SSBP3: variants seen among roughly 807,000 people sequenced by gnomAD.
SSBP3 encodes the protein single-stranded DNA-binding protein 3.
Under a neutral mutation model 69.6 loss-of-function variants are expected in SSBP3, and 5 were observed. The observed-to-expected ratio is 0.07, with a 90% CI of 0.04 to 0.15. SSBP3 has a LOEUF of 0.15. Ranked by LOEUF, SSBP3 falls within the 10% of genes least tolerant of loss-of-function variation. The pLI is 1.00. For synonymous variants in SSBP3, 196 were observed against 193.4 expected (o/e 1.01, Z -0.11); for missense variants, 312 against 534.0 (o/e 0.58, Z 4.10).
intron 4 of SSBP3, among the ~76,000 whole-genome samples, chr1:54,340,013 C>CAGG (rs1387281855): frequency 2.6e-5 from 4 of 152,104 alleles, no homozygotes; most frequent in Non-Finnish European, 5.9e-5. Flanking sequence ...GGGGTAGGAG[C>CAGG]AGGACCCCAT....
rs146035715 is a variant in SSBP3, at chr1:54,296,221, T to C, written c.277-14694A>G. On this transcript the variant is annotated intron_variant, in intron 4 of 17. Transcript: ENST00000610401. ...CAGCCTTAACTCCCAAAGGTTTTCA[T>C]GTCTCTCTTCTCCTCAAACAACTGT... is the stretch of plus-strand genomic sequence containing the variant. 2.9e-4 allele frequency among the ~76,000 whole-genome samples: 44 copies of C among 152,362 alleles called. No individual in the cohort carries two copies. The East Asian group carries it at 6.9e-3, about 24-fold the overall frequency.
At chr1:54,240,375 T>G (rs954980696) in intron 13 of SSBP3, among the ~76,000 whole-genome samples, 3 of 149,276 alleles carry the variant, frequency 2.0e-5, no homozygotes, top group Non-Finnish European at 4.4e-5. Flanking sequence ...GGAGAATCGC[T>G]TGAGCCTGGG....
chr1:54,289,062 A>C lies in SSBP3; in HGVS notation c.277-7535T>G, dbSNP rs192206432. Among the ~76,000 whole-genome samples, 189 of 124,938 alleles carry C rather than the reference A, an allele frequency of 1.5e-3. 3 individuals are homozygous for C. The East Asian group carries it at 0.027, about 18-fold the overall frequency. 82.0% of individuals were successfully genotyped at this position (124,938 alleles called of 152,430 possible). On this transcript the variant is annotated intron_variant, in intron 4 of 17. Coordinates refer to ENST00000610401, the Ensembl canonical transcript of SSBP3. Reference sequence around the variant, plus strand: ...CAAAAAAACAAAAAAAAAAAACAGTAATGTCCCACTCACCCCTGTAGTTCC... The same window carrying C: ...CAAAAAAACAAAAAAAAAAAACAGTCATGTCCCACTCACCCCTGTAGTTCC...
chr1:54,239,234 T>TGAA, intron 13 of SSBP3, 35 bp from the exon 14 acceptor site: 1 of 1,542,510 alleles, frequency 6.5e-7, no homozygotes, highest in Non-Finnish European at 8.8e-7. Flanking sequence ...GTCGGGGTGA[T>TGAA]TAATTCGTTT....
intron 4 of SSBP3, among the ~76,000 whole-genome samples, chr1:54,374,730 C>T (rs564559397): frequency 1.3e-5 from 2 of 152,290 alleles, no homozygotes; most frequent in Admixed American, 1.3e-4. Context: ...CCACACACAA[C>T]CCTGACCCCA....
At chr1:54,334,735 C>T (rs1356602947) in intron 4 of SSBP3, among the ~76,000 whole-genome samples, 1 of 152,162 alleles carries the variant, frequency 6.6e-6, no homozygotes, top group South Asian at 2.1e-4. Context: ...TTTCTCCTTG[C>T]GGACATGATA....
chr1:54,391,824 G>A (rs1648518376), intron 4 of SSBP3, among the ~76,000 whole-genome samples: 1 of 152,076 alleles, frequency 6.6e-6, no homozygotes, highest in East Asian at 1.9e-4. Flanking sequence ...TCTCACTACT[G>A]CCACTGCCTA....
rs571419799 is a variant in SSBP3, at chr1:54,345,004, C to T, written c.276+56857G>A. ...TGAGGAGACGTATAATTCAGACTTC[C>T]TATTTATATTACACTTGTTTCCTCC... On this transcript the variant is annotated intron_variant, in intron 4 of 17. Coordinates refer to ENST00000610401, the Ensembl canonical transcript of SSBP3. 8.5e-5 allele frequency among the ~76,000 whole-genome samples: 13 copies of T among 152,284 alleles called. No individual in the cohort carries two copies. The South Asian group carries it at 1.4e-3, about 17-fold the overall frequency.
At chr1:54,397,546 A>T (rs1361928401) in intron 4 of SSBP3, among the ~76,000 whole-genome samples, 1 of 152,042 alleles carries the variant, frequency 6.6e-6, no homozygotes, top group Non-Finnish European at 1.5e-5. Flanking sequence ...GGGAGAGCAG[A>T]GTCTTGCTGG....
At chr1:54,359,761 A>G (rs1646923036) in intron 4 of SSBP3, among the ~76,000 whole-genome samples, 1 of 152,156 alleles carries the variant, frequency 6.6e-6, no homozygotes, top group African/African-American at 2.4e-5. Context: ...CGTTTCAGAG[A>G]GCAGAAATGG....
chr1:54,236,071 T>G (rs994910173), intron 14 of SSBP3, among the ~76,000 whole-genome samples: 7 of 152,208 alleles, frequency 4.6e-5, no homozygotes, highest in African/African-American at 1.7e-4. Flanking sequence ...CAGAGAGTAC[T>G]GGCAAAACAG....
chr1:54,267,681 C>T (rs1645125203), intron 5 of SSBP3, among the ~76,000 whole-genome samples: 1 of 152,146 alleles, frequency 6.6e-6, no homozygotes, highest in Non-Finnish European at 1.5e-5. Context: ...ACCACCAGGC[C>T]AAGGGGAAGG....
intron 4 of SSBP3, among the ~76,000 whole-genome samples, chr1:54,290,554 G>A (rs1401011133): frequency 6.6e-6 from 1 of 152,228 alleles, no homozygotes; most frequent in East Asian, 1.9e-4. Context: ...CCCTGGGCTG[G>A]GAAGTCTGAG....
intron 9 of SSBP3, among the ~76,000 whole-genome samples, chr1:54,251,083 G>A (rs147362044): frequency 3.3e-5 from 5 of 152,322 alleles, no homozygotes; most frequent in East Asian, 1.9e-4. Context: ...CCAGAGAATC[G>A]CGGACACAGT....
At chr1:54,227,469 T>C (rs1340565146) in intron 17 of SSBP3, among the ~76,000 whole-genome samples, 2 of 152,188 alleles carry the variant, frequency 1.3e-5, no homozygotes, top group Non-Finnish European at 2.9e-5. Flanking sequence ...CCAATGGCAG[T>C]CACAGCCCCT....
At chr1:54,308,514 T>C (rs1645940115) in intron 4 of SSBP3, among the ~76,000 whole-genome samples, 2 of 149,688 alleles carry the variant, frequency 1.3e-5, no homozygotes, top group African/African-American at 4.9e-5. Flanking sequence ...GGCAGGAGAA[T>C]GGCGTGAACC....
At chr1:54,337,447 A>G (rs982136768) in intron 4 of SSBP3, among the ~76,000 whole-genome samples, 4 of 149,232 alleles carry the variant, frequency 2.7e-5, no homozygotes, top group Non-Finnish European at 4.4e-5. Flanking sequence ...TCAAGCAGCA[A>G]AAGGTTGGCT....
At chr1:54,405,042 G>T in intron 1 of SSBP3, 112 bp from the exon 2 acceptor site, 2 of 944,842 alleles carry the variant, frequency 2.1e-6, no homozygotes, top group Non-Finnish European at 3.4e-6. Flanking sequence ...TCCCATTGTG[G>T]CCCCGACCAG....
chr1:54,400,769 T>C (rs189260167), intron 4 of SSBP3, among the ~76,000 whole-genome samples: 7 of 152,312 alleles, frequency 4.6e-5, no homozygotes, highest in East Asian at 3.9e-4. Flanking sequence ...CATGAAGACA[T>C]TGGTGATCAT....
Sources: allele counts gnomAD v4.1 joint callset (sites outside exome capture counted in the v4.1 genomes callset), GRCh38; gene constraint gnomAD v4.1.1; transcripts MANE v1.5; gene names NCBI Gene and HGNC (gene_info 2026-07-23, HGNC 2026-07-21).